The following RIMS1 variants were observed in gnomAD, a reference collection of about 807,000 sequenced individuals.
RIMS1 encodes the protein regulating synaptic membrane exocytosis 1.
A neutral mutation model predicts 214.1 loss-of-function variants in RIMS1; 83 were observed. The ratio of observed to expected loss-of-function variants is 0.39; its 90% CI spans 0.32 to 0.47. RIMS1 has a LOEUF of 0.47. RIMS1 is among the 20% of genes least tolerant of loss of function. RIMS1 has a pLI of 0.99. For synonymous variants in RIMS1, 793 were observed against 786.8 expected (o/e 1.01, Z -0.13); for missense variants, 2,050 against 2,161.8 (o/e 0.95, Z 1.03).
At position 72,157,417 on chromosome 6, in the gene RIMS1, TA is replaced by T. The variant is rs917466686; in HGVS notation, c.472-22157del. ...TCTCCCACTGTATTTGTGATTTGCC[TA>T]TTTTTTTATTTAAGTTTATATAGGT... On this transcript the variant is annotated intron_variant, in intron 4 of 33. Coordinates refer to ENST00000521978, the MANE Select transcript of RIMS1 (RefSeq NM_014989.7). Among the ~76,000 whole-genome samples the T allele has an allele frequency of 1.3e-4, 18 of 139,408 alleles. 1 individual carries two copies. Among genetic ancestry groups the T allele is most frequent in the African/African-American group, 4.5e-4 (18 of 39,760 alleles). The allele number at this position is 139,408 out of a possible 152,430, so 91.5% of individuals were successfully genotyped here.
At chr6:72,201,983 C>A (rs1449501975) in intron 6 of RIMS1, among the ~76,000 whole-genome samples, 12 of 152,214 alleles carry the variant, frequency 7.9e-5, no homozygotes, top group African/African-American at 2.9e-4. Flanking sequence ...CCGTATCATA[C>A]TTATTCATAC....
At chr6:72,301,447 A>G (rs1433345189) in intron 26 of RIMS1, among the ~76,000 whole-genome samples, 2 of 151,740 alleles carry the variant, frequency 1.3e-5, no homozygotes, top group South Asian at 4.1e-4. Flanking sequence ...GTTGGCCCAC[A>G]GTATCCATGG....
chr6:71,901,285 A>C (rs1773525652), intron 1 of RIMS1, among the ~76,000 whole-genome samples: 1 of 152,112 alleles, frequency 6.6e-6, no homozygotes, highest in African/African-American at 2.4e-5. Context: ...AAATGAGAAC[A>C]TACACTGACA....
chr6:72,238,203 A>G (rs2065106288), intron 9 of RIMS1, among the ~76,000 whole-genome samples: 1 of 152,048 alleles, frequency 6.6e-6, no homozygotes, highest in Non-Finnish European at 1.5e-5. Context: ...AATATAGAAG[A>G]ATTACTCATC....
intron 22 of RIMS1, among the ~76,000 whole-genome samples, chr6:72,269,818 T>C (rs983163402): frequency 6.6e-6 from 1 of 152,164 alleles, no homozygotes; most frequent in African/African-American, 2.4e-5. Flanking sequence ...ATTTTCTTCC[T>C]ATTAAAATTA....
chr6:72,006,092 A>G (rs1807468122), intron 2 of RIMS1, among the ~76,000 whole-genome samples: 1 of 152,072 alleles, frequency 6.6e-6, no homozygotes, highest in Admixed American at 6.6e-5. Context: ...CTTTGCTCTC[A>G]AGTGGTGGAG....
At chr6:72,112,402 G>T (rs1016131263) in intron 4 of RIMS1, among the ~76,000 whole-genome samples, 2 of 151,936 alleles carry the variant, frequency 1.3e-5, no homozygotes, top group Non-Finnish European at 2.9e-5. Flanking sequence ...GTACATCTCT[G>T]CTCAGAACCC....
intron 18 of RIMS1, 90 bp downstream of exon 18, chr6:72,259,201 A>T: frequency 9.4e-7 from 1 of 1,068,306 alleles, no homozygotes; most frequent in African/African-American, 1.6e-5. Flanking sequence ...TTAGAGAGTA[A>T]AAGTATTTAT....
chr6:72,270,360 G>T (rs1403394184), intron 22 of RIMS1, among the ~76,000 whole-genome samples: 1 of 152,144 alleles, frequency 6.6e-6, no homozygotes, highest in Admixed American at 6.5e-5. Flanking sequence ...ATCTCATTTT[G>T]TTTGGTTTTT....
chr6:71,964,190 A>G (rs1325076411), intron 1 of RIMS1, among the ~76,000 whole-genome samples: 1 of 152,186 alleles, frequency 6.6e-6, no homozygotes, highest in Non-Finnish European at 1.5e-5. Flanking sequence ...TAGTCATACC[A>G]GTATTGGGAA....
At chr6:71,984,949 C>G (rs2038163) in intron 2 of RIMS1, among the ~76,000 whole-genome samples, 61,330 of 151,956 alleles carry the variant, frequency 0.4, 12,687 homozygotes, top group East Asian at 0.54. Flanking sequence ...CTCCTTCACA[C>G]AAGCACTTTG....
intron 4 of RIMS1, among the ~76,000 whole-genome samples, chr6:72,109,624 GA>G (rs2035594963): frequency 6.6e-6 from 1 of 152,052 alleles, no homozygotes; most frequent in East Asian, 1.9e-4. Context: ...TGAGTAGGTT[GA>G]GAAAATTTTC....
intron 4 of RIMS1, among the ~76,000 whole-genome samples, chr6:72,148,079 T>C (rs2042990377): frequency 6.6e-6 from 1 of 152,214 alleles, no homozygotes. Flanking sequence ...AAATTTGTAA[T>C]TTCTTACCAG....
intron 2 of RIMS1, among the ~76,000 whole-genome samples, chr6:72,074,102 C>T (rs543061202): frequency 6.6e-6 from 1 of 152,158 alleles, no homozygotes; most frequent in South Asian, 2.1e-4. Context: ...GGTCTGGAAC[C>T]TTTAAGTCTC....
At chr6:71,915,180 T>C (rs1777988432) in intron 1 of RIMS1, among the ~76,000 whole-genome samples, 1 of 152,142 alleles carries the variant, frequency 6.6e-6, no homozygotes, top group Admixed American at 6.6e-5. Context: ...CCCTTATATA[T>C]TGACAACTTT....
rs186078277 is a variant in RIMS1, at chr6:72,251,071, A to G, written c.2523A>G (p.Glu841=). 680 of 1,585,610 alleles carry G rather than the reference A, an allele frequency of 4.3e-4. 1 individual carries two copies. In the Middle Eastern group the frequency reaches 6.3e-3, roughly 15 times the overall value. The change falls in exon 14 of 34, where the codon GAA becomes GAG. Residue 841 remains glutamate, a synonymous_variant. Coordinates refer to ENST00000521978, the MANE Select transcript of RIMS1 (RefSeq NM_014989.7). The stretch of plus-strand genomic sequence containing the variant: ...GGGACCAACCAAGAGTGCAAGAAGA[A>G]GAAAGTGAATTTCTTGGAGAGGTGA... The part of the protein sequence containing the change: ...TVWDQPRVQE[E]ESEFLGEILI...
At chr6:72,025,583 A>T (rs1816177268) in intron 2 of RIMS1, among the ~76,000 whole-genome samples, 1 of 152,218 alleles carries the variant, frequency 6.6e-6, no homozygotes, top group Non-Finnish European at 1.5e-5. Flanking sequence ...ACACAGTTGC[A>T]CTAATTTTCC....
At chr6:72,219,710 C>A (rs556526985) in intron 6 of RIMS1, among the ~76,000 whole-genome samples, 2 of 151,634 alleles carry the variant, frequency 1.3e-5, no homozygotes, top group African/African-American at 2.4e-5. Flanking sequence ...GGCTGTTAGC[C>A]CTGCAATGTT....
At chr6:72,289,564 T>A (rs1405827370) in intron 24 of RIMS1, among the ~76,000 whole-genome samples, 1 of 152,170 alleles carries the variant, frequency 6.6e-6, no homozygotes, top group Non-Finnish European at 1.5e-5. Context: ...GAACATCTTT[T>A]TGTTATCTTC....
Sources: gnomAD v4.1 joint callset for allele counts (sites outside exome capture counted in the v4.1 genomes callset) on GRCh38, gnomAD v4.1.1 for gene constraint, MANE v1.5 for transcripts, NCBI Gene and HGNC (gene_info 2026-07-23, HGNC 2026-07-21) for gene names.